The following FH variants were observed in gnomAD, a reference collection of about 807,000 sequenced individuals.
The protein encoded by FH is fumarate hydratase, mitochondrial.
Under a neutral mutation model 49.4 loss-of-function variants are expected in FH, and 22 were observed. The ratio of observed to expected loss-of-function variants is 0.45; its 90% confidence interval spans 0.32 to 0.64. The LOEUF (loss-of-function observed/expected upper bound fraction) is 0.64, where lower values mean the gene tolerates loss of function less well. FH is among the 30% of genes least tolerant of loss of function. The pLI, the probability that FH is intolerant of heterozygous loss-of-function variation, is 0.05. For synonymous variants in FH, 208 were observed against 223.0 expected (o/e 0.93, Z 0.60); for missense variants, 526 against 641.5 (o/e 0.82, Z 1.95).
rs999146815 is a variant in FH, at chr1:241,519,650, C to T, written c.73G>A (p.Ala25Thr). Residue 25 changes from alanine to threonine, a missense_variant, in exon 1 of 10, where the codon GCT (alanine) becomes ACT (threonine). This residue lies in a region of FH where 143 missense variants were observed against 127.5 expected (regional missense o/e 1.12). Transcript: ENST00000366560. ...VRAPAAALAS[A>T]PGLGGAAVPS... Reference sequence around the variant, plus strand: ...ACGGCCGCGCCACCCAAGCCGGGAGCCGAAGCTAAGGCTGCGGCTGGAGCC... The same window carrying T: ...ACGGCCGCGCCACCCAAGCCGGGAGTCGAAGCTAAGGCTGCGGCTGGAGCC... 8 of 1,548,054 alleles carry T rather than the reference C, an allele frequency of 5.2e-6. No individual in the cohort carries two copies. The highest frequency in any genetic ancestry group is 5.2e-6 in the Non-Finnish European group (6 of 1,146,518).
intron 1 of FH, 125 bp downstream of exon 1, chr1:241,519,466 C>T: frequency 2.4e-6 from 3 of 1,236,208 alleles, no homozygotes; most frequent in Non-Finnish European, 3.3e-6. Flanking sequence ...GGGCGCTAAG[C>T]CCAGAGTCTG....
At position 241,517,292 on chromosome 1, in the gene FH, C is replaced by T. The variant is rs863224013; in HGVS notation, c.157G>A (p.Glu53Lys). ...TTTAGTTCACCAAAGGTATCATATT[C>T]TATCCGGAAGGAATTTTGGCTTGCC... ...RMASQNSFRI[E>K]YDTFGELKVP... The change falls in exon 2 of 10, where the codon GAA (glutamate) becomes AAA (lysine). Residue 53 changes from glutamate (E) to lysine (K), a missense_variant. Coordinates refer to ENST00000366560, the MANE Select transcript of FH (RefSeq NM_000143.4). 8 of 1,614,086 alleles carry T rather than the reference C, an allele frequency of 5.0e-6. No individual in the cohort carries two copies. The highest frequency in any genetic ancestry group is 5.9e-6 in the Non-Finnish European group (7 of 1,180,022).
chr1:241,506,262 T>G, intron 5 of FH, 94 bp from the exon 6 acceptor site: 1 of 926,918 alleles, frequency 1.1e-6, no homozygotes, highest in Non-Finnish European at 1.7e-6. Context: ...TAAAAATACC[T>G]TTCAGAATAC....
chr1:241,501,504 T>C (rs1351724598), intron 8 of FH, among the ~76,000 whole-genome samples: 1 of 152,162 alleles, frequency 6.6e-6, no homozygotes, highest in East Asian at 1.9e-4. Flanking sequence ...GTGTTTTTAT[T>C]TACCACTAGG....
At chr1:241,503,815 C>T (rs943207808) in intron 7 of FH, among the ~76,000 whole-genome samples, 53 of 152,362 alleles carry the variant, frequency 3.5e-4, no homozygotes, top group African/African-American at 1.2e-3. Flanking sequence ...TCTACATTTT[C>T]TAATGTGGGA....
intron 5 of FH, among the ~76,000 whole-genome samples, chr1:241,507,756 A>T (rs936245661): frequency 4.6e-5 from 7 of 152,226 alleles, no homozygotes; most frequent in African/African-American, 1.7e-4. Flanking sequence ...AATGATGCAA[A>T]GAGAAATGAG....
At chr1:241,512,165 T>G in intron 3 of FH, 22 bp from the exon 4 acceptor site, 1 of 1,606,292 alleles carries the variant, frequency 6.2e-7, no homozygotes, top group Non-Finnish European at 8.5e-7. Context: ...ATGTTAAAAA[T>G]GTATTTTAAA....
At chr1:241,517,713 T>C (rs1276530977) in intron 1 of FH, among the ~76,000 whole-genome samples, 2 of 152,108 alleles carry the variant, frequency 1.3e-5, no homozygotes, top group African/African-American at 4.8e-5. Context: ...TTGAAATTTA[T>C]AAACATTATT....
At chr1:241,514,107 C>G (rs1660160778) in intron 2 of FH, among the ~76,000 whole-genome samples, 1 of 152,026 alleles carries the variant, frequency 6.6e-6, no homozygotes, top group Admixed American at 6.6e-5. Flanking sequence ...CAGCAAGAAC[C>G]ATTATTTTCT....
intron 1 of FH, 140 bp downstream of exon 1, chr1:241,519,451 G>A (rs1029646386): frequency 9.4e-6 from 10 of 1,067,914 alleles, no homozygotes; most frequent in Middle Eastern, 3.1e-4. Context: ...CCGCCACGCC[G>A]GCACGGGCGC....
At chr1:241,513,526 T>C in intron 3 of FH, 77 bp downstream of exon 3, 1 of 1,088,718 alleles carries the variant, frequency 9.2e-7, no homozygotes, top group Non-Finnish European at 1.4e-6. Flanking sequence ...TCCCCTTTCC[T>C]TCTGCCAGAG....
In FH at chr1:241,517,193, C is replaced by T; in HGVS notation, c.256G>A (p.Glu86Lys). ...TMNFKIGGVT[E>K]RMPTPVIKAF... ...CAAATGCCACTTACTGGCATGCGTT[C>T]TGTCACACCTCCAATCTTAAAGTTC... Residue 86 changes from glutamate to lysine, a missense_variant, in exon 2 of 10, where the codon GAA becomes AAA. This residue lies in a region of FH where 143 missense variants were observed against 127.5 expected (regional missense o/e 1.12). Transcript: ENST00000366560. The T allele has an allele frequency of 6.2e-7, 1 of 1,614,178 alleles. No individual in the cohort carries two copies. The highest frequency in any genetic ancestry group is 8.5e-7 in the Non-Finnish European group (1 of 1,180,040).
intron 9 of FH, 133 bp from the exon 10 acceptor site, chr1:241,498,103 T>G (rs1659670969): frequency 2.5e-6 from 2 of 796,086 alleles, no homozygotes; most frequent in Non-Finnish European, 4.3e-6. Flanking sequence ...GTTTTTAAAT[T>G]AGTTAACAGT....
chr1:241,519,670 G>A lies in FH; in HGVS notation c.53C>T (p.Pro18Leu), dbSNP rs201887750. ...LARSRPLVRA[P>L]AAALASAPGL... ...GGGAGCCGAAGCTAAGGCTGCGGCT[G>A]GAGCCCGCACGAGGGGACGCGAGCG... Residue 18 changes from proline to leucine, a missense_variant, in exon 1 of 10, where the codon CCA becomes CTA. Pro to Leu is a moderately conservative substitution (Grantham distance 98, BLOSUM62 -3). Coordinates refer to ENST00000366560, the MANE Select transcript of FH (RefSeq NM_000143.4). 1,614 of 1,547,802 alleles carry A rather than the reference G, an allele frequency of 1.0e-3. 16 individuals are homozygous for A. In the African/African-American group the frequency reaches 0.02, roughly 19 times the overall value.
At chr1:241,498,489 C>T (rs1488428268) in intron 9 of FH, among the ~76,000 whole-genome samples, 1 of 151,444 alleles carries the variant, frequency 6.6e-6, no homozygotes, top group Non-Finnish European at 1.5e-5. Flanking sequence ...TCCAGAGCTG[C>T]TTCCAATGGC....
chr1:241,508,611 G>C lies in FH; in HGVS notation c.730C>G (p.Leu244Val). 1 of 1,613,196 alleles carries C rather than the reference G, an allele frequency of 6.2e-7. No homozygotes were observed. ...THTQDAVPLT[L>V]GQEFSGYVQQ... ...TAGTCAAACTCCTATACCTGCCCAA[G>C]AGTAAGTGGAACAGCATCCTGAGTA... Residue 244 changes from leucine to valine, a missense_variant, in exon 5 of 10, where the codon CTT (leucine) becomes GTT (valine). This residue lies in a region of FH where 383 missense variants were observed against 514.0 expected (regional missense o/e 0.75). Transcript: ENST00000366560.
chr1:241,501,282 T>C (rs1317667399), intron 8 of FH, among the ~76,000 whole-genome samples: 1 of 152,218 alleles, frequency 6.6e-6, no homozygotes, highest in African/African-American at 2.4e-5. Flanking sequence ...AACAATGGAC[T>C]CTAAGACATA....
chr1:241,519,439 GCCCGC>G lies in FH; in HGVS notation c.132+147_132+151del, dbSNP rs1660309301. ...GGAAGAGGCGTCCCGAGGCCGGGAG[GCCCGC>G]CACGCCGGCACGGGCGCTAAGCCCA... On this transcript the variant is annotated intron_variant, in intron 1 of 9. Coordinates refer to ENST00000366560, the MANE Select transcript of FH (RefSeq NM_000143.4). 1.7e-5 allele frequency: 16 copies of G among 941,732 alleles called. No individual in the cohort carries two copies. In the South Asian group the frequency reaches 3.2e-4, roughly 19 times the overall value. 58.3% of individuals were successfully genotyped at this position (941,732 alleles called of 1,614,324 possible).
At position 241,497,776 on chromosome 1, in the gene FH, T is replaced by C. The variant is rs201081927; in HGVS notation, c.*52A>G. The C allele has an allele frequency of 2.6e-4, 389 of 1,478,950 alleles. 8 individuals are homozygous for C. The South Asian group carries it at 3.4e-3, about 13-fold the overall frequency. The allele number at this position is 1,478,950 out of a possible 1,614,324, so 91.6% of individuals were successfully genotyped here. On this transcript the variant is annotated 3_prime_UTR_variant, in exon 10 of 10. Transcript: ENST00000366560. ...CTTATCCGTTTTTAAGAAATGGGAG[T>C]CTGTTTTTTTAAATTTTATACATGT...
Sources: allele counts gnomAD v4.1 joint callset (sites outside exome capture counted in the v4.1 genomes callset), GRCh38; gene constraint gnomAD v4.1.1; regional missense constraint gnomAD v4.1.1; transcripts MANE v1.5; gene names NCBI Gene and HGNC (gene_info 2026-07-23, HGNC 2026-07-21).